The following MGAT5 variants were observed in gnomAD, a reference collection of about 807,000 sequenced individuals.
MGAT5 encodes the protein alpha-1,6-mannosylglycoprotein 6-beta-N-acetylglucosaminyltransferase, also known as alpha-1,6-mannosylglycoprotein 6-beta-N-acetylglucosaminyltransferase A.
MGAT5 carries 30 observed loss-of-function variants against 94.3 expected under a neutral mutation model. The observed-to-expected ratio is 0.32, with a 90% CI of 0.24 to 0.43. MGAT5 has a LOEUF of 0.43. Ranked by LOEUF, MGAT5 falls within the 20% of genes least tolerant of loss-of-function variation. MGAT5 has a pLI of 1.00. For missense variants in MGAT5, 691 were observed against 905.5 expected (o/e 0.76, Z 3.04); for synonymous variants, 310 against 322.9 (o/e 0.96, Z 0.43).
intron 1 of MGAT5, among the ~76,000 whole-genome samples, chr2:134,176,591 A>AAAAAAAAAAAC (rs1688477355): frequency 6.6e-6 from 1 of 151,406 alleles, no homozygotes; most frequent in South Asian, 2.1e-4. Flanking sequence ...AAAAAAAAAA[A>AAAAAAAAAAAC]AAAATTCTAA....
Position 134,449,479 on chromosome 2 carries a change from C to A in MGAT5, c.*632C>A, listed in dbSNP as rs534152346. The A allele has an allele frequency of 2.0e-4, 31 of 154,232 alleles. No individual in the cohort carries two copies. The South Asian group carries it at 6.3e-3, about 32-fold the overall frequency. The allele number at this position is 154,232 out of a possible 1,614,324, so 9.6% of individuals were successfully genotyped here. Reference sequence around the variant, plus strand: ...AGAAACTTTTGCTTTGGAAGCACAGCCAAACTCCCCAGGGCATCGTCATAG... The same window carrying A: ...AGAAACTTTTGCTTTGGAAGCACAGACAAACTCCCCAGGGCATCGTCATAG... On this transcript the variant is annotated 3_prime_UTR_variant, in exon 16 of 16. Coordinates refer to ENST00000281923, the MANE Select transcript of MGAT5 (RefSeq NM_002410.5).
chr2:134,185,301 C>G (rs541943213), intron 1 of MGAT5, among the ~76,000 whole-genome samples: 1 of 152,200 alleles, frequency 6.6e-6, no homozygotes, highest in African/African-American at 2.4e-5. Flanking sequence ...CTATGCCTTT[C>G]AATCCCCTAT....
intron 1 of MGAT5, among the ~76,000 whole-genome samples, chr2:134,227,704 T>TA (rs1453649271): frequency 6.6e-6 from 1 of 152,174 alleles, no homozygotes; most frequent in Non-Finnish European, 1.5e-5. Context: ...TGGTTTACTC[T>TA]AGGATCCTCT....
chr2:134,160,811 G>T (rs1452239328), intron 1 of MGAT5, among the ~76,000 whole-genome samples: 1 of 152,252 alleles, frequency 6.6e-6, no homozygotes, highest in Non-Finnish European at 1.5e-5. Flanking sequence ...AATAAGGGTA[G>T]CCCCTGAAAG....
chr2:134,247,378 A>AC (rs1682343238), intron 1 of MGAT5, among the ~76,000 whole-genome samples: 1 of 151,054 alleles, frequency 6.6e-6, no homozygotes, highest in Non-Finnish European at 1.5e-5. Context: ...AAAAAAACAA[A>AC]AAAAAAACGT....
At chr2:134,275,578 C>CTTTTTTTTTT (rs11409592) in intron 2 of MGAT5, among the ~76,000 whole-genome samples, 1 of 79,594 alleles carries the variant, frequency 1.3e-5, no homozygotes, top group African/African-American at 5.8e-5. Flanking sequence ...GTGCTATTTC[C>CTTTTTTTTTT]TTTTTTTTTT....
At chr2:134,377,957 C>T (rs1191879207) in intron 10 of MGAT5, among the ~76,000 whole-genome samples, 1 of 152,202 alleles carries the variant, frequency 6.6e-6, no homozygotes, top group African/African-American at 2.4e-5. Flanking sequence ...CTATACCCAG[C>T]ATACCTAGCC....
intron 1 of MGAT5, among the ~76,000 whole-genome samples, chr2:134,144,250 A>G (rs1011634577): frequency 6.6e-6 from 1 of 152,172 alleles, no homozygotes; most frequent in Non-Finnish European, 1.5e-5. Context: ...AGGAAGCATG[A>G]TGCTGGCCAT....
rs544207439 is a variant in MGAT5, at chr2:134,232,682, A to T, written c.-142-21580A>T. ...CTGTTAATAGACCACAGACCTATGT[A>T]ATGTTTTTTTAATGCCCATTTTTCT... is the stretch of plus-strand genomic sequence containing the variant. On this transcript the variant is annotated intron_variant, in intron 1 of 16. Transcript: ENST00000409645. 5.9e-5 allele frequency among the ~76,000 whole-genome samples: 9 copies of T among 152,310 alleles called. 1 individual carries two copies. The highest frequency in any genetic ancestry group is 5.9e-4 in the Admixed American group (9 of 15,304).
chr2:134,375,232 TAA>T (rs1681089400), intron 10 of MGAT5, among the ~76,000 whole-genome samples: 1 of 152,140 alleles, frequency 6.6e-6, no homozygotes, highest in Non-Finnish European at 1.5e-5. Flanking sequence ...CAGATAGAGG[TAA>T]AGGTTCCTCA....
intron 1 of MGAT5, among the ~76,000 whole-genome samples, chr2:134,235,178 C>T (rs1342677530): frequency 6.6e-6 from 1 of 152,096 alleles, no homozygotes; most frequent in East Asian, 1.9e-4. Context: ...TGGTTCAACA[C>T]AGCCCCTGTC....
At chr2:134,169,124 A>G (rs1242875556) in intron 1 of MGAT5, among the ~76,000 whole-genome samples, 1 of 152,188 alleles carries the variant, frequency 6.6e-6, no homozygotes, top group Non-Finnish European at 1.5e-5. Context: ...CAAAGAGACA[A>G]TGCAGGTTTC....
chr2:134,407,856 A>G (rs978299293), intron 11 of MGAT5, among the ~76,000 whole-genome samples: 8 of 152,272 alleles, frequency 5.3e-5, no homozygotes, highest in African/African-American at 1.9e-4. Context: ...TGTGAAATCA[A>G]TGTAGTGAAT....
At chr2:134,375,885 ATCT>A (rs1681138228) in intron 10 of MGAT5, among the ~76,000 whole-genome samples, 2 of 152,182 alleles carry the variant, frequency 1.3e-5, no homozygotes, top group Admixed American at 1.3e-4. Flanking sequence ...AAGTATTTTC[ATCT>A]TCTTCCAGGC....
chr2:134,253,347 T>G (rs1488102118), upstream of MGAT5: 1 of 152,354 alleles, frequency 6.6e-6, no homozygotes, highest in Non-Finnish European at 1.5e-5. Flanking sequence ...GGCCCAGGAC[T>G]CTGGCTGAAG....
At chr2:134,381,536 C>A in intron 10 of MGAT5, among the ~76,000 whole-genome samples, 1 of 146,844 alleles carries the variant, frequency 6.8e-6, no homozygotes, top group African/African-American at 2.5e-5. Flanking sequence ...GACAGACAGA[C>A]AGATAGATAG....
At chr2:134,251,072 C>T (rs767759066), upstream of MGAT5, among the ~76,000 whole-genome samples, 3 of 152,060 alleles carry the variant, frequency 2.0e-5, no homozygotes, top group African/African-American at 4.8e-5. Flanking sequence ...ACCAGTGATT[C>T]GGGCTCTTTA....
chr2:134,281,997 C>T (rs1470929484), intron 2 of MGAT5, among the ~76,000 whole-genome samples: 1 of 152,196 alleles, frequency 6.6e-6, no homozygotes, highest in Non-Finnish European at 1.5e-5. Flanking sequence ...GGCAGAAGTG[C>T]CAGTCATTTC....
At chr2:134,357,634 C>T (rs558766598) in intron 9 of MGAT5, among the ~76,000 whole-genome samples, 86 of 152,340 alleles carry the variant, frequency 5.6e-4, no homozygotes, top group African/African-American at 1.9e-3. Flanking sequence ...AAGTTCTGTG[C>T]AGACCACTGA....
Sources: gnomAD v4.1 joint callset for allele counts (sites outside exome capture counted in the v4.1 genomes callset) on GRCh38, gnomAD v4.1.1 for gene constraint, MANE v1.5 for transcripts, NCBI Gene and HGNC (gene_info 2026-07-23, HGNC 2026-07-21) for gene names.